Variants in LPIN1 observed in about 807,000 individuals in gnomAD.
LPIN1 encodes lipin 1.
Under a neutral mutation model 107.5 loss-of-function variants are expected in LPIN1, and 71 were observed. The observed-to-expected ratio is 0.66, with a 90% CI of 0.55 to 0.80. LPIN1 has a LOEUF of 0.80. LPIN1 is among the 30% of genes least tolerant of loss of function. The pLI is 0.00. For missense variants in LPIN1, 1,043 were observed against 1,160.6 expected (o/e 0.90, Z 1.47); for synonymous variants, 445 against 452.6 (o/e 0.98, Z 0.21).
chr2:11,819,525 G>A lies in LPIN1; in HGVS notation c.2444G>A (p.Cys815Tyr), dbSNP rs775885750. Residue 815 changes from cysteine (C) to tyrosine (Y), a missense_variant, in exon 19 of 21, where the codon TGT (cysteine) becomes TAT (tyrosine). By Grantham distance (194) the Cys-to-Tyr change is radical (BLOSUM62 -2). Coordinates refer to ENST00000674199, the MANE Select transcript of LPIN1 (RefSeq NM_001349206.2). ...AAGCCAGAAAAGTTTAAAGTCCAGTGTTTGACAGACATCAAAAACCTGTTT... is the reference window on the plus strand; with the variant it reads ...AAGCCAGAAAAGTTTAAAGTCCAGTATTTGACAGACATCAAAAACCTGTTT... ...EKKPEKFKVQ[C>Y]LTDIKNLFFP... is the part of the protein sequence containing the mutation. 2.5e-6 allele frequency: 4 copies of A among 1,613,954 alleles called. No homozygotes were observed. The highest frequency in any genetic ancestry group is 4.5e-5 in the East Asian group (2 of 44,878).
Position 11,791,916 on chromosome 2 carries a change from C to G in LPIN1, c.1716C>G (p.Ala572=). 1 of 1,613,422 alleles carries G rather than the reference C, an allele frequency of 6.2e-7. No individual in the cohort carries two copies. Among genetic ancestry groups the G allele is most frequent in the Non-Finnish European group, 8.5e-7 (1 of 1,179,706 alleles). The change falls in exon 13 of 21, where the codon GCC becomes GCG. Residue 572 remains alanine, a splice_region_variant and synonymous_variant. Coordinates refer to ENST00000674199, the MANE Select transcript of LPIN1 (RefSeq NM_001349206.2). ...ATGTTACCATCCATTTAAAACAGGCCACTGTGGAATCTATCATGAGGGATA... is the reference window on the plus strand; with the variant it reads ...ATGTTACCATCCATTTAAAACAGGCGACTGTGGAATCTATCATGAGGGATA... The part of the protein sequence containing the change: ...MQAFQKPLPK[A]TVESIMRDKM...
At chr2:11,693,714 G>A (rs1392683411) in intron 1 of LPIN1, among the ~76,000 whole-genome samples, 1 of 144,984 alleles carries the variant, frequency 6.9e-6, no homozygotes, top group Admixed American at 7.0e-5. Flanking sequence ...GTTCGTAGGG[G>A]CACTAATGTC....
At chr2:11,738,320 C>T (rs1665995238) in intron 1 of LPIN1, among the ~76,000 whole-genome samples, 1 of 150,896 alleles carries the variant, frequency 6.6e-6, no homozygotes, top group African/African-American at 2.4e-5. Context: ...ATCACCATGG[C>T]ATGTGTATAC....
intron 1 of LPIN1, among the ~76,000 whole-genome samples, chr2:11,759,597 G>A (rs1048453702): frequency 6.6e-5 from 10 of 152,318 alleles, no homozygotes; most frequent in Admixed American, 6.5e-4. Flanking sequence ...CACAGACACA[G>A]CAACCATCTG....
intron 18 of LPIN1, chr2:11,817,504 T>G (rs892803671): frequency 6.6e-6 from 1 of 152,266 alleles, no homozygotes; most frequent in Non-Finnish European, 1.5e-5. Flanking sequence ...GGATTTTATC[T>G]GAAGGTGTTG....
chr2:11,791,654 T>C, intron 12 of LPIN1: 1 of 1,299,326 alleles, frequency 7.7e-7, no homozygotes, highest in Non-Finnish European at 1.0e-6. Context: ...TTTGTTGTTG[T>C]TGTTGTGTTG....
intron 12 of LPIN1, among the ~76,000 whole-genome samples, chr2:11,789,454 A>C (rs998747357): frequency 6.7e-6 from 1 of 149,364 alleles, no homozygotes; most frequent in Admixed American, 6.6e-5. Context: ...GCATGTGTAT[A>C]TGTGTGGATG....
chr2:11,782,326 G>A lies in LPIN1; in HGVS notation c.1083G>A (p.Leu361=), dbSNP rs548508177. The A allele has an allele frequency of 1.2e-4, 199 of 1,614,062 alleles. No individual in the cohort carries two copies. Among genetic ancestry groups the A allele is most frequent in the Non-Finnish European group, 1.7e-4 (196 of 1,180,044 alleles). Residue 361 remains leucine (L), a synonymous_variant, in exon 8 of 21, where the codon CTG becomes CTA. Transcript: ENST00000674199. ...SDTFSDQSPT[L]VGGALLDQNK... ...CTTTTAGTGACCAATCGCCAACTCTGGTCGGTGGGGCACTTTTGGACCAGA... is the reference window on the plus strand; with the variant it reads ...CTTTTAGTGACCAATCGCCAACTCTAGTCGGTGGGGCACTTTTGGACCAGA...
intron 1 of LPIN1, among the ~76,000 whole-genome samples, chr2:11,683,699 C>T (rs1172074898): frequency 2.6e-5 from 4 of 152,174 alleles, no homozygotes; most frequent in Admixed American, 2.6e-4. Flanking sequence ...TCGAGGTAAG[C>T]AGATTTGCCC....
rs775415603 is a variant in LPIN1 at position 11,791,832 on chromosome 2, G to A, written c.1714-82G>A. The A allele has an allele frequency of 4.5e-6, 7 of 1,554,278 alleles. No homozygotes were observed. The South Asian group carries it at 4.7e-5, about 10-fold the overall frequency. On this transcript the variant is annotated intron_variant, in intron 12 of 20. Transcript: ENST00000674199. Reference sequence around the variant, plus strand: ...TTTTTTTTAAATCTTACTTTAATTTGCATGTATGTTTCTTTTGGTTTGAAT... The same window carrying A: ...TTTTTTTTAAATCTTACTTTAATTTACATGTATGTTTCTTTTGGTTTGAAT...
chr2:11,718,508 G>T (rs770735442), intron 2 of LPIN1, among the ~76,000 whole-genome samples: 15 of 152,190 alleles, frequency 9.9e-5, no homozygotes, highest in Non-Finnish European at 2.1e-4. Context: ...TGGGATTACA[G>T]GTGTGTGGAG....
At chr2:11,776,252 C>T in intron 6 of LPIN1, 59 bp downstream of exon 6, 1 of 1,092,756 alleles carries the variant, frequency 9.2e-7, no homozygotes, top group Admixed American at 2.1e-5. Flanking sequence ...TGATCTAACT[C>T]TTACTATAAG....
At chr2:11,794,970 A>G (rs976448339) in intron 13 of LPIN1, among the ~76,000 whole-genome samples, 7 of 152,212 alleles carry the variant, frequency 4.6e-5, no homozygotes, top group African/African-American at 1.7e-4. Flanking sequence ...AGAGTATGTC[A>G]TCTTGGAAAA....
Position 11,794,920 on chromosome 2 carries a change from C to T in LPIN1, c.1807-488C>T, listed in dbSNP as rs182337968. Among the ~76,000 whole-genome samples, 841 of 152,264 alleles carry T rather than the reference C, an allele frequency of 5.5e-3. 2 individuals carry two copies. The highest frequency in any genetic ancestry group is 0.011 in the Admixed American group (170 of 15,298). On this transcript the variant is annotated intron_variant, in intron 13 of 20. Transcript: ENST00000674199. ...GGGCCCAGGCATTCTCTTAGAAATC[C>T]AAGGTTCTTTCCAGTACACCAACAG...
chr2:11,683,497 G>A (rs1176865865), intron 1 of LPIN1, among the ~76,000 whole-genome samples: 6 of 152,188 alleles, frequency 3.9e-5, no homozygotes. Context: ...TTTGGGAGCA[G>A]ATGGCCTGGA....
chr2:11,757,984 C>T (rs1294737117), intron 1 of LPIN1, among the ~76,000 whole-genome samples: 1 of 152,196 alleles, frequency 6.6e-6, no homozygotes, highest in Admixed American at 6.5e-5. Context: ...ATGAGTTTGT[C>T]TGTCTAAGGT....
At chr2:11,787,046 C>T (rs1674715159) in intron 10 of LPIN1, 28 bp from the exon 11 acceptor site, 1 of 1,527,144 alleles carries the variant, frequency 6.5e-7, no homozygotes, top group African/African-American at 1.4e-5. Context: ...TTTTGTTTTT[C>T]CCTGATCCTC....
At chr2:11,757,337 C>T (rs187867543) in intron 1 of LPIN1, among the ~76,000 whole-genome samples, 46 of 152,320 alleles carry the variant, frequency 3.0e-4, no homozygotes, top group African/African-American at 1.1e-3. Flanking sequence ...TTTTAGCAGA[C>T]AGCAGGAAAC....
chr2:11,776,622 A>G (rs73917127), intron 6 of LPIN1, among the ~76,000 whole-genome samples: 2,861 of 152,248 alleles, frequency 0.019, 89 homozygotes, highest in African/African-American at 0.064. Context: ...TACCACTTTA[A>G]TTTATTATAA....
Sources: allele counts gnomAD v4.1 joint callset (sites outside exome capture counted in the v4.1 genomes callset), GRCh38; gene constraint gnomAD v4.1.1; transcripts MANE v1.5; gene names NCBI Gene and HGNC (gene_info 2026-07-23, HGNC 2026-07-21).